The following RXRA variants were observed in gnomAD, a reference collection of about 807,000 sequenced individuals.
RXRA encodes the protein retinoic acid receptor RXR-alpha.
A neutral mutation model predicts 44.5 loss-of-function variants in RXRA; 5 were observed. The ratio of observed to expected loss-of-function variants is 0.11; its 90% confidence interval spans 0.06 to 0.24. The LOEUF (loss-of-function observed/expected upper bound fraction) is 0.24, where lower values mean the gene tolerates loss of function less well. RXRA is among the 10% of genes least tolerant of loss of function. RXRA has a pLI of 1.00. For missense variants in RXRA, 412 were observed against 646.5 expected (o/e 0.64, Z 3.93); for synonymous variants, 291 against 271.4 (o/e 1.07, Z -0.71).
Position 134,401,838 on chromosome 9 carries a change from G to A in RXRA, c.235G>A (p.Val79Met). The stretch of plus-strand genomic sequence containing the variant: ...CCCCATGGGCCCCCACTCCATGTCG[G>A]TGCCCACCACACCCACCCTGGGCTT... The part of the protein sequence containing the change: ...SSPMGPHSMS[V>M]PTTPTLGFST... Residue 79 changes from valine (V) to methionine (M), a missense_variant, in exon 2 of 10, where the codon GTG (valine) becomes ATG (methionine). By Grantham distance (21) the Val-to-Met change is conservative. Around this residue, in one of 4 missense-constraint regions of RXRA, gnomAD observed 156 missense variants for 177.2 expected, o/e 0.88. Coordinates refer to ENST00000481739, the MANE Select transcript of RXRA (RefSeq NM_002957.6). 1.2e-6 allele frequency: 2 copies of A among 1,612,430 alleles called. No individual in the cohort carries two copies.
At chr9:134,410,050 G>A (rs1831123110) in intron 4 of RXRA, among the ~76,000 whole-genome samples, 1 of 152,234 alleles carries the variant, frequency 6.6e-6, no homozygotes, top group Non-Finnish European at 1.5e-5. Flanking sequence ...GATGTCCTGA[G>A]TGGCCACCTT....
At chr9:134,411,047 T>C (rs760503112) in intron 4 of RXRA, among the ~76,000 whole-genome samples, 1 of 152,206 alleles carries the variant, frequency 6.6e-6, no homozygotes, top group Non-Finnish European at 1.5e-5. Context: ...AGGAGGGCTG[T>C]TGACGCCTGA....
intron 4 of RXRA, among the ~76,000 whole-genome samples, chr9:134,416,200 C>T (rs1831231676): frequency 6.6e-6 from 1 of 152,162 alleles, no homozygotes; most frequent in Admixed American, 6.5e-5. Context: ...GCTGAGGTGG[C>T]TTCCTCAGTG....
intron 4 of RXRA, among the ~76,000 whole-genome samples, chr9:134,416,133 A>C (rs1831230641): frequency 6.6e-6 from 1 of 152,048 alleles, no homozygotes; most frequent in Non-Finnish European, 1.5e-5. Context: ...TCCAAATTCC[A>C]TCTGGGTCCT....
chr9:134,400,735 C>T (rs903181674), intron 1 of RXRA, among the ~76,000 whole-genome samples: 1 of 152,190 alleles, frequency 6.6e-6, no homozygotes, highest in African/African-American at 2.4e-5. Context: ...TCTCTGATTT[C>T]AAAGGCGGGA....
At chr9:134,375,947 CCTCCCTCT>C (rs1205514202) in intron 1 of RXRA, among the ~76,000 whole-genome samples, 1 of 145,484 alleles carries the variant, frequency 6.9e-6, no homozygotes, top group African/African-American at 2.6e-5. Flanking sequence ...TCCCTCCCTC[CCTCCCTCT>C]CTCTCTCTGC....
At chr9:134,333,064 C>T (rs62576299) in intron 1 of RXRA, among the ~76,000 whole-genome samples, 57,800 of 152,062 alleles carry the variant, frequency 0.38, 12,328 homozygotes, top group African/African-American at 0.58. Context: ...GGGGGCAGGC[C>T]GTCCAGGGGG....
rs375347192 is a variant in RXRA at position 134,417,142 on chromosome 9, G to T, written c.611-16G>T. 31 of 1,605,022 alleles carry T rather than the reference G, an allele frequency of 1.9e-5. No homozygotes were observed. The highest frequency in any genetic ancestry group is 2.5e-5 in the Non-Finnish European group (29 of 1,177,370). ...CGGGCTGAGCGTGGGGCTCACCTGC[G>T]CCTCCCGGGTTGTAGCCGTGCAGGA... is the stretch of plus-strand genomic sequence containing the variant. On this transcript the variant is annotated splice_polypyrimidine_tract_variant and intron_variant, in intron 4 of 9. Coordinates refer to ENST00000481739, the MANE Select transcript of RXRA (RefSeq NM_002957.6). The surrounding 1 kb of genome is among the most constrained non-coding windows in gnomAD (Gnocchi z 6.1).
chr9:134,431,218 AGGG>A (rs975165661), intron 7 of RXRA, among the ~76,000 whole-genome samples: 20 of 152,196 alleles, frequency 1.3e-4, no homozygotes, highest in Non-Finnish European at 2.9e-4. Context: ...TGCTGAGGCT[AGGG>A]GGCCCAGTAC....
At chr9:134,379,652 A>C (rs1207048520) in intron 1 of RXRA, 2 of 984,494 alleles carry the variant, frequency 2.0e-6, no homozygotes, top group Non-Finnish European at 2.4e-6. Flanking sequence ...CTCTGACCCC[A>C]CCCTGCGGTC....
intron 1 of RXRA, among the ~76,000 whole-genome samples, chr9:134,360,323 G>A (rs1161949763): frequency 6.6e-6 from 1 of 152,210 alleles, no homozygotes; most frequent in Non-Finnish European, 1.5e-5. Context: ...CGAGCAGGAA[G>A]CGCTGGTTCC....
intron 1 of RXRA, among the ~76,000 whole-genome samples, chr9:134,338,702 G>C (rs1198803092): frequency 2.0e-5 from 3 of 152,212 alleles, no homozygotes; most frequent in East Asian, 1.9e-4. Flanking sequence ...CATTATCGGA[G>C]GGGGCAGCTG....
rs1008036547 is a variant in RXRA at position 134,436,352 on chromosome 9, C to G, written c.1242-115C>G. The G allele has an allele frequency of 6.7e-6, 7 of 1,045,048 alleles. No homozygotes were observed. The African/African-American group carries it at 1.1e-4, about 16-fold the overall frequency. 64.7% of individuals were successfully genotyped at this position (1,045,048 alleles called of 1,614,324 possible). ...CATAGGCAGATTCAGGGCTACAGAC[C>G]AGCCTCAGAGGGGTTGGGGTATCAG... On this transcript the variant is annotated intron_variant, in intron 9 of 9. Coordinates refer to ENST00000481739, the MANE Select transcript of RXRA (RefSeq NM_002957.6).
intron 4 of RXRA, among the ~76,000 whole-genome samples, chr9:134,416,656 C>G (rs1170615518): frequency 3.3e-5 from 5 of 152,090 alleles, no homozygotes; most frequent in Admixed American, 1.3e-4. Context: ...CCCCGCCCCC[C>G]GCCGCAGGTT....
intron 1 of RXRA, among the ~76,000 whole-genome samples, chr9:134,354,598 A>C (rs1292495883): frequency 2.0e-5 from 3 of 152,208 alleles, no homozygotes; most frequent in African/African-American, 7.2e-5. Context: ...CCTGGGCACC[A>C]GGGCTCCCTG....
intron 1 of RXRA, among the ~76,000 whole-genome samples, chr9:134,328,521 G>C (rs937934453): frequency 2.0e-5 from 3 of 152,170 alleles, no homozygotes; most frequent in Non-Finnish European, 2.9e-5. Flanking sequence ...TCTCCCGACC[G>C]GCCCATGGCC....
chr9:134,391,969 C>G (rs989847246), intron 1 of RXRA, among the ~76,000 whole-genome samples: 1 of 152,238 alleles, frequency 6.6e-6, no homozygotes, highest in East Asian at 1.9e-4. Context: ...GCCTGGCGTG[C>G]ACCTGCAGTT....
At chr9:134,402,197 AGG>A (rs1830975285) in intron 2 of RXRA, 4 of 406,356 alleles carry the variant, frequency 9.8e-6, no homozygotes, top group African/African-American at 4.1e-5. Context: ...CAGCAGAGAG[AGG>A]CTGTGGCCTC....
At chr9:134,401,978 A>G in intron 2 of RXRA, 96 bp downstream of exon 2, 2 of 1,044,218 alleles carry the variant, frequency 1.9e-6, no homozygotes. Context: ...GGCCTCTGGG[A>G]GGTAGGTGCT....
Sources: gnomAD v4.1 joint callset for allele counts (sites outside exome capture counted in the v4.1 genomes callset) on GRCh38, gnomAD v4.1.1 for gene constraint, gnomAD v4.1.1 regional missense constraint, Gnocchi (gnomAD v3.1) non-coding constraint, MANE v1.5 for transcripts, NCBI Gene and HGNC (gene_info 2026-07-23, HGNC 2026-07-21) for gene names.